R3HDML: variants seen among roughly 807,000 people sequenced by gnomAD.
The protein encoded by R3HDML is peptidase inhibitor R3HDML.
In R3HDML, 21 loss-of-function variants were observed where a neutral mutation model predicts 24.2. The ratio of observed to expected loss-of-function variants is 0.87; its 90% CI spans 0.62 to 1.25. The LOEUF is 1.25. Ranked by LOEUF, R3HDML falls within the 50% of genes most tolerant of loss-of-function variation. The pLI, the probability that R3HDML is intolerant of heterozygous loss-of-function variation, is 0.00. For missense variants in R3HDML, 301 were observed against 340.3 expected, an observed-to-expected ratio of 0.88 and a Z score of 0.91; for synonymous variants, 133 against 131.5, an observed-to-expected ratio of 1.01 and a Z score of -0.08.
At chr20:44,342,320 C>T (rs972649344) in intron 2 of R3HDML, among the ~76,000 whole-genome samples, 1 of 152,046 alleles carries the variant, frequency 6.6e-6, no homozygotes, top group Non-Finnish European at 1.5e-5. Flanking sequence ...AAATTCAGGG[C>T]CCTGTCTGTG....
chr20:44,340,832 A>G (rs2062770273), intron 1 of R3HDML, among the ~76,000 whole-genome samples: 1 of 152,206 alleles, frequency 6.6e-6, no homozygotes, highest in African/African-American at 2.4e-5. Flanking sequence ...GAAAAAAAGA[A>G]AGAAAGAAAA....
chr20:44,346,188 A>G (rs1568677529), intron 4 of R3HDML, among the ~76,000 whole-genome samples: 1 of 151,968 alleles, frequency 6.6e-6, no homozygotes, highest in Non-Finnish European at 1.5e-5. Context: ...TGGCACAATC[A>G]CAGCTCACTA....
At chr20:44,347,059 T>C (rs1286017201) in intron 4 of R3HDML, among the ~76,000 whole-genome samples, 1 of 152,100 alleles carries the variant, frequency 6.6e-6, no homozygotes. Flanking sequence ...GGAGAATCGC[T>C]TGAGCCTCAG....
chr20:44,345,525 C>T (rs1231176407), intron 4 of R3HDML, 147 bp downstream of exon 4: 5 of 607,700 alleles, frequency 8.2e-6, no homozygotes, highest in Middle Eastern at 2.9e-4. Context: ...TTACTAAGGC[C>T]GAGCATGGTG....
intron 1 of R3HDML, among the ~76,000 whole-genome samples, chr20:44,340,666 G>A (rs113177343): frequency 1.4e-4 from 21 of 152,140 alleles, no homozygotes; most frequent in African/African-American, 4.6e-4. Context: ...TGCGCCTGCA[G>A]TCCCAGCTAC....
intron 4 of R3HDML, among the ~76,000 whole-genome samples, chr20:44,349,355 A>C (rs2146116244): frequency 6.6e-6 from 1 of 151,814 alleles, no homozygotes; most frequent in African/African-American, 2.4e-5. Context: ...CTTTTTTCTA[A>C]GTGGTTAAAT....
intron 3 of R3HDML, among the ~76,000 whole-genome samples, chr20:44,344,072 G>C (rs2062779468): frequency 6.6e-6 from 1 of 152,114 alleles, no homozygotes; most frequent in African/African-American, 2.4e-5. Context: ...ACGAGATCAG[G>C]AGATCAAGAC....
intron 1 of R3HDML, 110 bp from the exon 2 acceptor site, chr20:44,341,086 G>A (rs1054913750): frequency 1.1e-6 from 1 of 883,520 alleles, no homozygotes; most frequent in Admixed American, 2.2e-5. Context: ...TTGTTGCAGG[G>A]TTCCAGGGAG....
At chr20:44,341,989 G>A (rs746435362) in intron 2 of R3HDML, among the ~76,000 whole-genome samples, 1 of 152,122 alleles carries the variant, frequency 6.6e-6, no homozygotes, top group East Asian at 1.9e-4. Context: ...CCTTCTCACC[G>A]CCATTCTGAC....
chr20:44,348,461 C>CTCCTTTT (rs2062795772), intron 4 of R3HDML, among the ~76,000 whole-genome samples: 2 of 131,062 alleles, frequency 1.5e-5, no homozygotes, highest in Non-Finnish European at 3.5e-5. Context: ...TTTCCCTTTT[C>CTCCTTTT]CCCTTTCTCC....
rs761420348 is a variant in R3HDML, at chr20:44,337,134, G to C, written c.-24G>C. 6.2e-7 allele frequency: 1 copy of C among 1,604,492 alleles called. No homozygotes were observed. The highest frequency in any genetic ancestry group is 8.5e-7 in the Non-Finnish European group (1 of 1,174,408). On this transcript the variant is annotated 5_prime_UTR_variant, in exon 1 of 5. Coordinates refer to ENST00000217043, the MANE Select transcript of R3HDML (RefSeq NM_178491.4). This position sits in a 1 kb window ranked among gnomAD's most constrained non-coding sequence, Gnocchi z 4.7. ...CAGCCGGCTCTGATTGCACAAGGCA[G>C]ACCTGTGACTCCTCCATCCAGCTAT... is the stretch of plus-strand genomic sequence containing the variant.
Position 44,351,026 on chromosome 20 carries a change from A to G in R3HDML, c.*234A>G, listed in dbSNP as rs968639620. 8 of 470,058 alleles carry G rather than the reference A, an allele frequency of 1.7e-5. No homozygotes were observed. The highest frequency in any genetic ancestry group is 3.0e-5 in the Non-Finnish European group (8 of 267,710). The allele number at this position is 470,058 out of a possible 1,614,324, so 29.1% of individuals were successfully genotyped here. On this transcript the variant is annotated 3_prime_UTR_variant, in exon 5 of 5. Transcript: ENST00000217043. The stretch of plus-strand genomic sequence containing the variant: ...CTTTCTTTTCTTGGGCCTCTGGGAA[A>G]GAGCCCTGCATCTTTCATTAATTCG...
chr20:44,343,612 T>TA, intron 3 of R3HDML, 103 bp downstream of exon 3: 1 of 1,211,322 alleles, frequency 8.3e-7, no homozygotes, highest in South Asian at 1.8e-5. Context: ...CAAAGACCGT[T>TA]ATGAGCTTCT....
At chr20:44,338,578 T>C (rs1178364151) in intron 1 of R3HDML, among the ~76,000 whole-genome samples, 1 of 152,194 alleles carries the variant, frequency 6.6e-6, no homozygotes, top group Non-Finnish European at 1.5e-5. Flanking sequence ...GGCACATTTA[T>C]TGAGCACCCG....
chr20:44,345,245 G>A lies in R3HDML; in HGVS notation c.514-18G>A. The A allele has an allele frequency of 1.2e-6, 2 of 1,606,898 alleles. No homozygotes were observed. Among genetic ancestry groups the A allele is most frequent in the South Asian group, 2.2e-5 (2 of 90,954 alleles). On this transcript the variant is annotated intron_variant, in intron 3 of 4. Transcript: ENST00000217043. The stretch of plus-strand genomic sequence containing the variant: ...CTGAGCCCTTCTCATAGCCCCCTCT[G>A]TCTCTGTCCTTCACCAGATGGTGTG...
chr20:44,345,496 T>C (rs1356185832), intron 4 of R3HDML, 118 bp downstream of exon 4: 6 of 710,142 alleles, frequency 8.4e-6, no homozygotes, highest in African/African-American at 1.8e-5. Flanking sequence ...TACCATATAA[T>C]TTGGGTAGTT....
At chr20:44,350,274 G>A (rs940330148) in intron 4 of R3HDML, among the ~76,000 whole-genome samples, 2 of 152,162 alleles carry the variant, frequency 1.3e-5, no homozygotes, top group Admixed American at 6.5e-5. Context: ...AGCACTTTGG[G>A]AGGCTGAGGC....
chr20:44,338,173 C>G (rs1254043722), intron 1 of R3HDML, among the ~76,000 whole-genome samples: 1 of 152,196 alleles, frequency 6.6e-6, no homozygotes, highest in East Asian at 1.9e-4. Flanking sequence ...TCCAGCCCAC[C>G]CAGAGATGTC....
Position 44,343,361 on chromosome 20 carries a change from T to C in R3HDML, c.381-16T>C. On this transcript the variant is annotated splice_polypyrimidine_tract_variant and intron_variant, in intron 2 of 4. Coordinates refer to ENST00000217043, the MANE Select transcript of R3HDML (RefSeq NM_178491.4). Reference sequence around the variant, plus strand: ...ATCCTCTCACCCAGCTTCTTCCGTGTCCCCCGCCTCCCCAGGTACCGGTCC... The same window carrying C: ...ATCCTCTCACCCAGCTTCTTCCGTGCCCCCCGCCTCCCCAGGTACCGGTCC... The C allele has an allele frequency of 6.2e-7, 1 of 1,606,132 alleles. No individual in the cohort carries two copies. Among genetic ancestry groups the C allele is most frequent in the South Asian group, 1.1e-5 (1 of 89,668 alleles).
Sources: gnomAD v4.1 joint callset for allele counts (sites outside exome capture counted in the v4.1 genomes callset) on GRCh38, gnomAD v4.1.1 for gene constraint, Gnocchi (gnomAD v3.1) non-coding constraint, MANE v1.5 for transcripts, NCBI Gene and HGNC (gene_info 2026-07-23, HGNC 2026-07-21) for gene names.